NCEH1: variants seen among roughly 807,000 people sequenced by gnomAD.
The protein encoded by NCEH1 is 2-acetyl MAGE hydrolase.
A neutral mutation model predicts 25.4 loss-of-function variants in NCEH1; 9 were observed. The ratio of observed to expected loss-of-function variants is 0.35; its 90% CI spans 0.21 to 0.62. The LOEUF is 0.62. Among genes scored for constraint, NCEH1 ranks in the 20% least tolerant of loss-of-function variants. The pLI is 0.72. For synonymous variants in NCEH1, 200 were observed against 199.8 expected, an observed-to-expected ratio of 1.00 and a Z score of -0.01; for missense variants, 412 against 501.1, an observed-to-expected ratio of 0.82 and a Z score of 1.70.
chr3:172,697,644 A>G (rs189458316), intron 1 of NCEH1, among the ~76,000 whole-genome samples: 1 of 152,282 alleles, frequency 6.6e-6, no homozygotes, highest in African/African-American at 2.4e-5. Context: ...TCATACAACT[A>G]GCCACAAAAG....
intron 1 of NCEH1, among the ~76,000 whole-genome samples, chr3:172,695,215 C>G (rs893403099): frequency 6.6e-6 from 1 of 152,132 alleles, no homozygotes; most frequent in African/African-American, 2.4e-5. Context: ...AAATATCAAC[C>G]CTGCTTGTAA....
intron 1 of NCEH1, among the ~76,000 whole-genome samples, chr3:172,678,906 A>G (rs908545897): frequency 6.6e-6 from 1 of 152,200 alleles, no homozygotes; most frequent in African/African-American, 2.4e-5. Flanking sequence ...TAATTTACTC[A>G]GCAAGGCCAT....
chr3:172,688,330 CAAAAAAAAAA>C (rs11376665), intron 1 of NCEH1, among the ~76,000 whole-genome samples: 1 of 66,240 alleles, frequency 1.5e-5, no homozygotes. Flanking sequence ...AACTCCACCT[CAAAAAAAAAA>C]AAAAAAAAAA....
chr3:172,680,815 A>C (rs1034144317), intron 1 of NCEH1: 1 of 152,252 alleles, frequency 6.6e-6, no homozygotes, highest in Non-Finnish European at 1.5e-5. Context: ...ACAGCACAGC[A>C]GAGTGGTCAG....
intron 3 of NCEH1, among the ~76,000 whole-genome samples, chr3:172,640,729 G>A (rs1375001488): frequency 2.0e-5 from 3 of 152,044 alleles, no homozygotes; most frequent in African/African-American, 7.2e-5. Context: ...GGATGGTCTC[G>A]ATCTCCTGAC....
intron 1 of NCEH1, among the ~76,000 whole-genome samples, chr3:172,666,194 T>C (rs116479704): frequency 0.022 from 3,382 of 152,264 alleles, 131 homozygotes; most frequent in African/African-American, 0.077. Context: ...CTATTAGAAA[T>C]TGTCCACCCA....
intron 3 of NCEH1, among the ~76,000 whole-genome samples, chr3:172,638,460 C>T: frequency 7.0e-6 from 1 of 143,760 alleles, no homozygotes; most frequent in Non-Finnish European, 1.5e-5. Flanking sequence ...TATATAATTC[C>T]ATTTGAGCAA....
At chr3:172,696,711 A>C (rs1202336994) in intron 1 of NCEH1, among the ~76,000 whole-genome samples, 2 of 152,168 alleles carry the variant, frequency 1.3e-5, no homozygotes, top group Admixed American at 6.5e-5. Context: ...ATGTTCCCCA[A>C]TGTTTGGTAA....
At position 172,650,811 on chromosome 3, in the gene NCEH1, CG is replaced by C. The variant is rs1295118480; in HGVS notation, c.139-2698del. Among the ~76,000 whole-genome samples the C allele has an allele frequency of 4.5e-3, 405 of 89,964 alleles. 1 individual carries two copies. The highest frequency in any genetic ancestry group is 0.018 in the African/African-American group (354 of 19,670). The allele number at this position is 89,964 out of a possible 152,430, so 59.0% of individuals were successfully genotyped here. ...TGGATGACAGAGCGAGACTCTGCCT[CG>C]AAAAAAAAAAAAAAAAAAAAAAAAG... On this transcript the variant is annotated intron_variant, in intron 1 of 4. Transcript: ENST00000475381.
At chr3:172,671,016 G>C (rs1711581421) in intron 1 of NCEH1, among the ~76,000 whole-genome samples, 1 of 152,128 alleles carries the variant, frequency 6.6e-6, no homozygotes, top group South Asian at 2.1e-4. Context: ...ACTATGACTG[G>C]ATATTGAAAT....
chr3:172,663,823 C>T (rs940704283), intron 1 of NCEH1, among the ~76,000 whole-genome samples: 4 of 152,082 alleles, frequency 2.6e-5, no homozygotes, highest in African/African-American at 9.7e-5. Flanking sequence ...GGTAGATCTT[C>T]CTCCATCCCT....
At chr3:172,698,894 T>C (rs1430058382) in intron 1 of NCEH1, among the ~76,000 whole-genome samples, 1 of 152,196 alleles carries the variant, frequency 6.6e-6, no homozygotes, top group African/African-American at 2.4e-5. Context: ...ACAGTGATAA[T>C]GGAAGCAGAA....
In NCEH1 at chr3:172,676,322, T is replaced by C. The variant is rs1577076970; in HGVS notation, c.139-28208A>G. ...ATACGCAAATGCCGCCCGTTAGAAA[T>C]GGTCCACCCAATATGGCGACTCCTG... On this transcript the variant is annotated intron_variant, in intron 1 of 4. Transcript: ENST00000475381. 2.0e-5 allele frequency among the ~76,000 whole-genome samples: 3 copies of C among 152,220 alleles called. No homozygotes were observed. The South Asian group carries it at 6.2e-4, about 32-fold the overall frequency.
intron 1 of NCEH1, among the ~76,000 whole-genome samples, chr3:172,658,507 T>C (rs1717809004): frequency 6.6e-6 from 1 of 152,224 alleles, no homozygotes; most frequent in Non-Finnish European, 1.5e-5. Context: ...TAGCAAAGTA[T>C]TGGACGGAAT....
intron 1 of NCEH1, among the ~76,000 whole-genome samples, chr3:172,661,356 A>T (rs533627682): frequency 1.3e-5 from 2 of 152,314 alleles, no homozygotes; most frequent in East Asian, 3.9e-4. Context: ...TACCAGTACC[A>T]TGCTGTTTTG....
chr3:172,658,074 C>T (rs1717784326), intron 1 of NCEH1, among the ~76,000 whole-genome samples: 2 of 152,160 alleles, frequency 1.3e-5, no homozygotes, highest in African/African-American at 4.8e-5. Flanking sequence ...CAGCACAAAA[C>T]ACAGGTCATA....
chr3:172,669,986 A>C (rs1711520300), intron 1 of NCEH1, among the ~76,000 whole-genome samples: 1 of 152,278 alleles, frequency 6.6e-6, no homozygotes, highest in East Asian at 1.9e-4. Context: ...CTAAATATAG[A>C]AAAATAAGAA....
intron 1 of NCEH1, among the ~76,000 whole-genome samples, chr3:172,689,728 T>TA (rs1260577374): frequency 1.5e-3 from 202 of 138,250 alleles, no homozygotes; most frequent in African/African-American, 3.1e-3. Context: ...CATCTCAAAA[T>TA]AAAAAAAAAA....
intron 1 of NCEH1, among the ~76,000 whole-genome samples, chr3:172,655,382 G>C (rs1036081407): frequency 1.4e-4 from 21 of 152,218 alleles, no homozygotes; most frequent in Non-Finnish European, 3.1e-4. Flanking sequence ...CACTGGCTCT[G>C]TACCCAGGTA....
Sources: gnomAD v4.1 joint callset for allele counts (sites outside exome capture counted in the v4.1 genomes callset) on GRCh38, gnomAD v4.1.1 for gene constraint, MANE v1.5 for transcripts, NCBI Gene and HGNC (gene_info 2026-07-23, HGNC 2026-07-21) for gene names.